SGCZ: variants seen among roughly 807,000 people sequenced by gnomAD.
SGCZ encodes sarcoglycan zeta, also known as zeta-sarcoglycan.
A neutral mutation model predicts 41.3 loss-of-function variants in SGCZ; 40 were observed. That is an observed-to-expected ratio of 0.97 (90% CI 0.75 to 1.26). The LOEUF (loss-of-function observed/expected upper bound fraction) is 1.26. SGCZ is among the 50% of genes most tolerant of loss of function. SGCZ has a pLI of 0.00. For synonymous variants in SGCZ, 206 were observed against 137.5 expected, an observed-to-expected ratio of 1.50 and a Z score of -3.49; for missense variants, 552 against 369.8, an observed-to-expected ratio of 1.49 and a Z score of -4.04.
At chr8:14,207,352 T>A (rs181853604) in intron 4 of SGCZ, among the ~76,000 whole-genome samples, 100 of 152,320 alleles carry the variant, frequency 6.6e-4, no homozygotes, top group Non-Finnish European at 1.2e-3. Context: ...CTTAACATTA[T>A]CATATTCTGC....
chr8:15,232,820 TC>T (rs1308950374), intron 1 of SGCZ, among the ~76,000 whole-genome samples: 1 of 149,278 alleles, frequency 6.7e-6, no homozygotes, highest in African/African-American at 2.5e-5. Context: ...TATATATATT[TC>T]AAAATAGCTA....
chr8:14,571,237 G>A (rs577493754), intron 1 of SGCZ, among the ~76,000 whole-genome samples: 1 of 152,226 alleles, frequency 6.6e-6, no homozygotes, highest in African/African-American at 2.4e-5. Flanking sequence ...ACAGCATGGG[G>A]CAAACCGCAT....
chr8:14,285,018 CTT>C (rs1025644117), intron 3 of SGCZ, among the ~76,000 whole-genome samples: 4 of 152,074 alleles, frequency 2.6e-5, no homozygotes, highest in African/African-American at 9.7e-5. Flanking sequence ...AATTTTCCCT[CTT>C]TTATATTGGA....
At chr8:14,689,903 T>A (rs1352971142) in intron 1 of SGCZ, among the ~76,000 whole-genome samples, 1 of 152,190 alleles carries the variant, frequency 6.6e-6, no homozygotes, top group Non-Finnish European at 1.5e-5. Flanking sequence ...TTTATGACAA[T>A]GTCACTTACT....
chr8:15,161,155 G>A (rs921818580), intron 1 of SGCZ, among the ~76,000 whole-genome samples: 1 of 151,794 alleles, frequency 6.6e-6, no homozygotes, highest in Non-Finnish European at 1.5e-5. Flanking sequence ...CTCCTCCTGT[G>A]GGTCCAACCC....
Position 14,693,022 on chromosome 8 carries a change from C to A in SGCZ, c.40-138096G>T, listed in dbSNP as rs139716264. Among the ~76,000 whole-genome samples the A allele has an allele frequency of 2.1e-3, 326 of 152,212 alleles. 1 individual carries two copies. The highest frequency in any genetic ancestry group is 6.8e-3 in the Middle Eastern group (2 of 294). ...ACTTTAATGGATAGTGGCCAAGATG[C>A]AACCGTGGCTATAATTAGTTTCTCT... On this transcript the variant is annotated intron_variant, in intron 1 of 7. Transcript: ENST00000382080.
At chr8:14,321,578 T>G (rs1801919832) in intron 3 of SGCZ, among the ~76,000 whole-genome samples, 1 of 152,054 alleles carries the variant, frequency 6.6e-6, no homozygotes, top group South Asian at 2.1e-4. Context: ...TATGTCAGAG[T>G]GAAATACTGG....
At chr8:14,530,398 C>T (rs1376811691) in intron 2 of SGCZ, among the ~76,000 whole-genome samples, 2 of 152,044 alleles carry the variant, frequency 1.3e-5, no homozygotes, top group Non-Finnish European at 2.9e-5. Context: ...GTCATGAAGA[C>T]TCTTATCTGT....
At chr8:15,090,874 A>G (rs745504815) in intron 1 of SGCZ, among the ~76,000 whole-genome samples, 48 of 152,148 alleles carry the variant, frequency 3.2e-4, no homozygotes, top group Non-Finnish European at 3.1e-4. Context: ...ATAATCTTCC[A>G]AGGGAAACGC....
intron 1 of SGCZ, among the ~76,000 whole-genome samples, chr8:14,885,351 T>A (rs961807730): frequency 6.6e-6 from 1 of 152,198 alleles, no homozygotes; most frequent in African/African-American, 2.4e-5. Flanking sequence ...ATTATCTACC[T>A]ATTTGTTATG....
intron 4 of SGCZ, among the ~76,000 whole-genome samples, chr8:14,171,512 T>A (rs771985219): frequency 1.3e-5 from 2 of 152,062 alleles, no homozygotes; most frequent in African/African-American, 4.8e-5. Flanking sequence ...AAGTTCCACA[T>A]GAAATTTCAA....
chr8:14,207,859 C>T (rs1046496358), intron 4 of SGCZ, among the ~76,000 whole-genome samples: 11 of 151,994 alleles, frequency 7.2e-5, no homozygotes, highest in South Asian at 4.2e-4. Flanking sequence ...ACTTGATATG[C>T]GATTTGGGGT....
intron 2 of SGCZ, among the ~76,000 whole-genome samples, chr8:14,530,128 T>C (rs1044467875): frequency 6.6e-6 from 1 of 152,032 alleles, no homozygotes; most frequent in African/African-American, 2.4e-5. Flanking sequence ...TGCATTTGCG[T>C]ATTATGGTAT....
At chr8:14,828,428 A>T (rs77853067) in intron 1 of SGCZ, among the ~76,000 whole-genome samples, 4,122 of 152,322 alleles carry the variant, frequency 0.027, 175 homozygotes, top group East Asian at 0.21. Flanking sequence ...ATTAAAGTTA[A>T]GCAAACTCTA....
chr8:15,231,021 C>A lies in SGCZ; in HGVS notation c.39+6564G>T, dbSNP rs1265595067. 2.6e-5 allele frequency among the ~76,000 whole-genome samples: 4 copies of A among 152,154 alleles called. No homozygotes were observed. The East Asian group carries it at 5.8e-4, about 22-fold the overall frequency. Reference sequence around the variant, plus strand: ...TACTCTAACCAGATCAGCACCTTTTCCACTGCACAAATGAATTTCCTCAAA... The same window carrying A: ...TACTCTAACCAGATCAGCACCTTTTACACTGCACAAATGAATTTCCTCAAA... On this transcript the variant is annotated intron_variant, in intron 1 of 7. Coordinates refer to ENST00000382080, the MANE Select transcript of SGCZ (RefSeq NM_139167.4).
chr8:14,879,575 T>C (rs1804499332), intron 1 of SGCZ, among the ~76,000 whole-genome samples: 1 of 136,940 alleles, frequency 7.3e-6, no homozygotes, highest in South Asian at 2.3e-4. Flanking sequence ...TGAGGGGAGA[T>C]ACACACACAC....
intron 2 of SGCZ, among the ~76,000 whole-genome samples, chr8:14,466,809 A>G (rs980497612): frequency 1.5e-4 from 22 of 151,550 alleles, no homozygotes; most frequent in Admixed American, 1.3e-3. Context: ...GATTTCTTTT[A>G]GGTTTCTATA....
intron 1 of SGCZ, among the ~76,000 whole-genome samples, chr8:14,981,599 C>T (rs1167968561): frequency 1.3e-5 from 2 of 152,056 alleles, no homozygotes; most frequent in East Asian, 1.9e-4. Flanking sequence ...CTCTTCTATC[C>T]CAACTTAAAT....
At chr8:14,519,904 GGTTATGTC>G (rs1400441564) in intron 2 of SGCZ, among the ~76,000 whole-genome samples, 2 of 151,878 alleles carry the variant, frequency 1.3e-5, no homozygotes, top group Non-Finnish European at 2.9e-5. Context: ...CTGGTAGAGT[GGTTATGTC>G]GTATCTCAAT....
Sources: allele counts gnomAD v4.1 joint callset (sites outside exome capture counted in the v4.1 genomes callset), GRCh38; gene constraint gnomAD v4.1.1; transcripts MANE v1.5; gene names NCBI Gene and HGNC (gene_info 2026-07-23, HGNC 2026-07-21).